SPATA3: variants seen among roughly 807,000 people sequenced by gnomAD.
SPATA3 encodes the protein spermatogenesis-associated protein 3.
A neutral mutation model predicts 5.7 loss-of-function variants in SPATA3; 6 were observed. The observed-to-expected ratio is 1.06, with a 90% CI of 0.58 to 2.09. SPATA3 has a LOEUF of 2.09. Among genes scored for constraint, SPATA3 ranks in the 30% most tolerant of loss-of-function variants. SPATA3 has a pLI of 0.00. For synonymous variants in SPATA3, 44 were observed against 48.4 expected, an observed-to-expected ratio of 0.91 and a Z score of 0.37; for missense variants, 155 against 130.4, an observed-to-expected ratio of 1.19 and a Z score of -0.92.
chr2:231,006,454 G>A (rs1692628819), downstream of SPATA3, among the ~76,000 whole-genome samples: 1 of 148,206 alleles, frequency 6.7e-6, no homozygotes, highest in Non-Finnish European at 1.5e-5. Context: ...AGTGAGCCGA[G>A]ATCGCACCAT....
At chr2:231,018,068 G>A (rs1261882348) in intron 6 of SPATA3, among the ~76,000 whole-genome samples, 2 of 151,962 alleles carry the variant, frequency 1.3e-5, no homozygotes, top group Non-Finnish European at 2.9e-5. Context: ...GGGATTACAG[G>A]AGCACACCAC....
intron 1 of SPATA3, among the ~76,000 whole-genome samples, chr2:230,999,245 G>A (rs1448662627): frequency 6.6e-6 from 1 of 152,194 alleles, no homozygotes; most frequent in Non-Finnish European, 1.5e-5. Context: ...GGGAGAGTGG[G>A]GAGTAACTGC....
intron 6 of SPATA3, among the ~76,000 whole-genome samples, chr2:231,017,718 A>G (rs560434905): frequency 3.4e-4 from 52 of 152,308 alleles, no homozygotes; most frequent in African/African-American, 1.2e-3. Flanking sequence ...ATATTTTGGG[A>G]TGGCTATTCA....
intron 1 of SPATA3, among the ~76,000 whole-genome samples, chr2:230,997,696 G>T (rs968347152): frequency 6.6e-6 from 1 of 152,208 alleles, no homozygotes; most frequent in Non-Finnish European, 1.5e-5. Flanking sequence ...AGGAAAAGTG[G>T]TTCCCTGTCT....
downstream of SPATA3, among the ~76,000 whole-genome samples, chr2:231,004,744 C>A (rs144930375): frequency 1.9e-3 from 283 of 152,250 alleles, no homozygotes; most frequent in Middle Eastern, 6.8e-3. Context: ...CCCAGTATTT[C>A]TGAGGCCTGG....
chr2:231,005,631 CCATCACCATCAA>C (rs1692597986), downstream of SPATA3, among the ~76,000 whole-genome samples: 2 of 134,008 alleles, frequency 1.5e-5, no homozygotes, highest in Non-Finnish European at 3.3e-5. Flanking sequence ...ACCATCATCA[CCATCACCATCAA>C]CATCACCATC....
intron 2 of SPATA3, among the ~76,000 whole-genome samples, chr2:231,001,267 C>T (rs1315950548): frequency 1.3e-5 from 2 of 152,160 alleles, no homozygotes; most frequent in African/African-American, 2.4e-5. Context: ...CACGTTTGGG[C>T]GCTGCTAGGT....
At chr2:231,001,477 C>T (rs1231137172) in intron 2 of SPATA3, among the ~76,000 whole-genome samples, 1 of 152,122 alleles carries the variant, frequency 6.6e-6, no homozygotes, top group Non-Finnish European at 1.5e-5. Context: ...TGAAAAACTC[C>T]ATCTCTCCTA....
chr2:231,009,390 T>A (rs1181306437), downstream of SPATA3, among the ~76,000 whole-genome samples: 3 of 152,094 alleles, frequency 2.0e-5, no homozygotes, highest in Non-Finnish European at 1.5e-5. Context: ...CGGGCAGTGG[T>A]GAAAACTAGC....
chr2:231,013,070 G>A (rs1361090834), intron 5 of SPATA3, among the ~76,000 whole-genome samples: 1 of 152,066 alleles, frequency 6.6e-6, no homozygotes, highest in Non-Finnish European at 1.5e-5. Flanking sequence ...TGCTGCCAGG[G>A]ATCAAATCAC....
intron 6 of SPATA3, among the ~76,000 whole-genome samples, chr2:231,018,689 CTT>C (rs971100482): frequency 1.4e-5 from 2 of 146,484 alleles, no homozygotes; most frequent in African/African-American, 2.5e-5. Context: ...ATTGGTTTTT[CTT>C]TTTTTTTTTG....
chr2:231,008,946 C>T (rs573767973), downstream of SPATA3, among the ~76,000 whole-genome samples: 4 of 152,136 alleles, frequency 2.6e-5, no homozygotes, highest in Non-Finnish European at 4.4e-5. Flanking sequence ...GAGGGTGAGC[C>T]GGCCTGTCTC....
chr2:231,018,262 C>T (rs2125127739), intron 6 of SPATA3, among the ~76,000 whole-genome samples: 1 of 152,278 alleles, frequency 6.6e-6, no homozygotes, highest in African/African-American at 2.4e-5. Context: ...CATCTGAACT[C>T]ATATTGCAGG....
chr2:231,015,319 C>T (rs1276380756), intron 6 of SPATA3, among the ~76,000 whole-genome samples: 6 of 132,462 alleles, frequency 4.5e-5, no homozygotes, highest in African/African-American at 1.8e-4. Context: ...AGGCTGATCT[C>T]GAGCCACCTG....
At chr2:230,998,928 C>T (rs1692240593) in intron 1 of SPATA3, among the ~76,000 whole-genome samples, 1 of 152,148 alleles carries the variant, frequency 6.6e-6, no homozygotes, top group Non-Finnish European at 1.5e-5. Context: ...CACACCAAAA[C>T]TTGTACACAA....
At chr2:231,014,082 C>T (rs559742882) in exon 6 of SPATA3, 1 of 152,080 alleles carries the variant, frequency 6.6e-6, no homozygotes, top group South Asian at 2.1e-4. Flanking sequence ...GGTTAGACAC[C>T]CTTCATCACA....
chr2:231,005,463 C>T (rs1454974637), downstream of SPATA3, among the ~76,000 whole-genome samples: 16 of 21,964 alleles, frequency 7.3e-4, no homozygotes, highest in South Asian at 1.7e-3. Flanking sequence ...ACCACCACCA[C>T]CACCACCATC....
intron 2 of SPATA3, 138 bp from the exon 3 acceptor site, chr2:231,002,546 C>A (rs895977304): frequency 5.8e-6 from 3 of 514,808 alleles, no homozygotes; most frequent in Non-Finnish European, 1.0e-5. Context: ...TAAATGCTCT[C>A]CTAAGAGGAG....
At chr2:231,018,169 C>A (rs927912263) in intron 6 of SPATA3, among the ~76,000 whole-genome samples, 1 of 152,118 alleles carries the variant, frequency 6.6e-6, no homozygotes, top group Non-Finnish European at 1.5e-5. Context: ...AGGTGATCCG[C>A]CCGCCTCAGC....
Sources: gnomAD v4.1 joint callset for allele counts (sites outside exome capture counted in the v4.1 genomes callset) on GRCh38, gnomAD v4.1.1 for gene constraint, MANE v1.5 for transcripts, NCBI Gene and HGNC (gene_info 2026-07-23, HGNC 2026-07-21) for gene names.